Variants in SLC7A2 observed in about 807,000 individuals in gnomAD.
SLC7A2 encodes cationic amino acid transporter 2.
In SLC7A2, 48 loss-of-function variants were observed where a neutral mutation model predicts 58.9. That is an observed-to-expected ratio of 0.82 (90% CI 0.65 to 1.04). SLC7A2 has a LOEUF of 1.04. SLC7A2 is among the 50% of genes least tolerant of loss of function. SLC7A2 has a pLI of 0.00. For missense variants in SLC7A2, 1,029 were observed against 818.8 expected (o/e 1.26, Z -3.13); for synonymous variants, 363 against 314.5 (o/e 1.15, Z -1.63).
At chr8:17,521,676 C>T (rs1250842075) in intron 2 of SLC7A2, among the ~76,000 whole-genome samples, 1 of 152,212 alleles carries the variant, frequency 6.6e-6, no homozygotes, top group Admixed American at 6.5e-5. Context: ...TGGCAGCAAG[C>T]CTCTCATTAG....
chr8:17,525,428 T>G (rs1216593326), intron 2 of SLC7A2, among the ~76,000 whole-genome samples: 1 of 152,180 alleles, frequency 6.6e-6, no homozygotes, highest in African/African-American at 2.4e-5. Flanking sequence ...ACAGTGGCAA[T>G]TATTAGTATT....
At chr8:17,562,517 T>A (rs1284844521) in intron 11 of SLC7A2, among the ~76,000 whole-genome samples, 1 of 152,110 alleles carries the variant, frequency 6.6e-6, no homozygotes, top group Non-Finnish European at 1.5e-5. Flanking sequence ...TTTTTGTATT[T>A]TTCTGGTGAT....
chr8:17,525,375 G>T (rs527685273), intron 2 of SLC7A2, among the ~76,000 whole-genome samples: 1 of 152,134 alleles, frequency 6.6e-6, no homozygotes, highest in South Asian at 2.1e-4. Context: ...TATGCAATAA[G>T]AAACAAGCTC....
chr8:17,498,826 CAG>C (rs1252351128), intron 1 of SLC7A2: 1 of 152,186 alleles, frequency 6.6e-6, no homozygotes, highest in Non-Finnish European at 1.5e-5. Context: ...CTGATCATTC[CAG>C]AGTCTCTCCT....
chr8:17,513,229 C>A (rs182359432), intron 2 of SLC7A2, among the ~76,000 whole-genome samples: 119 of 152,216 alleles, frequency 7.8e-4, no homozygotes, highest in African/African-American at 2.7e-3. Flanking sequence ...TGAGGAGCTG[C>A]CATATTGTTC....
chr8:17,496,369 T>A (rs1014836749), upstream of SLC7A2, among the ~76,000 whole-genome samples: 2 of 152,168 alleles, frequency 1.3e-5, no homozygotes, highest in Non-Finnish European at 2.9e-5. Context: ...GACACACACT[T>A]ATTGTTCAAT....
intron 6 of SLC7A2, 31 bp downstream of exon 6, chr8:17,550,465 G>T (rs1329412198): frequency 1.2e-6 from 2 of 1,603,990 alleles, no homozygotes; most frequent in Admixed American, 3.4e-5. Flanking sequence ...CAGTGTAGAA[G>T]GAGTGTTCCT....
chr8:17,516,521 G>A (rs1350319789), intron 2 of SLC7A2, among the ~76,000 whole-genome samples: 2 of 152,198 alleles, frequency 1.3e-5, no homozygotes, highest in African/African-American at 4.8e-5. Context: ...ACCGCACCTG[G>A]CCTATGTGTT....
intron 5 of SLC7A2, among the ~76,000 whole-genome samples, chr8:17,550,007 A>G (rs577686322): frequency 2.1e-4 from 32 of 152,278 alleles, no homozygotes; most frequent in Admixed American, 3.9e-4. Context: ...CGTATGTGGA[A>G]TCTCTGCTCT....
intron 2 of SLC7A2, among the ~76,000 whole-genome samples, chr8:17,524,421 TACAC>T (rs367710230): frequency 0.022 from 2,974 of 134,984 alleles, 60 homozygotes; most frequent in South Asian, 0.078. Flanking sequence ...TGTGTGTGTG[TACAC>T]ACACACACAC....
In SLC7A2 at chr8:17,543,446, C is replaced by T. The variant is rs770292818; in HGVS notation, c.107C>T (p.Thr36Ile). 1.2e-6 allele frequency: 2 copies of T among 1,614,062 alleles called. No individual in the cohort carries two copies. The highest frequency in any genetic ancestry group is 1.7e-5 in the Admixed American group (1 of 59,998). Residue 36 changes from threonine to isoleucine, a missense_variant, in exon 3 of 13, where the codon ACC becomes ATC. Physicochemically the swap from Thr to Ile is moderately conservative, Grantham distance 89. Transcript: ENST00000494857. ...EDTKLCRCLSTMDLIALGVGS... is the reference protein window; with the variant it reads ...EDTKLCRCLSIMDLIALGVGS... Reference sequence around the variant, plus strand: ...ACCAAATTATGCCGCTGCTTATCCACCATGGACCTCATTGCCCTGGGCGTT... The same window carrying T: ...ACCAAATTATGCCGCTGCTTATCCATCATGGACCTCATTGCCCTGGGCGTT...
intron 2 of SLC7A2, 35 bp downstream of exon 2, chr8:17,502,337 G>C (rs140166970): frequency 6.6e-6 from 1 of 152,104 alleles, no homozygotes; most frequent in African/African-American, 2.4e-5. Flanking sequence ...TTGCACGTTG[G>C]AATGGAAAAA....
Position 17,565,241 on chromosome 8 carries a change from G to A in SLC7A2, c.*95G>A. The A allele has an allele frequency of 1.0e-6, 1 of 959,452 alleles. No individual in the cohort carries two copies. The highest frequency in any genetic ancestry group is 1.5e-6 in the Non-Finnish European group (1 of 645,838). The allele number at this position is 959,452 out of a possible 1,614,324, so 59.4% of individuals were successfully genotyped here. On this transcript the variant is annotated 3_prime_UTR_variant, in exon 13 of 13. Coordinates refer to ENST00000494857, the MANE Select transcript of SLC7A2 (RefSeq NM_001370338.1). ...GTCATCAGCATGCTGGGTTGTCATG[G>A]GTTTGCTGCATACATAGTTCACCCT...
upstream of SLC7A2, among the ~76,000 whole-genome samples, chr8:17,496,244 C>T (rs139389596): frequency 4.5e-4 from 69 of 152,216 alleles, 1 homozygote; most frequent in African/African-American, 1.6e-3. Context: ...ATAGCTTGAG[C>T]CCAGGAGGTC....
At chr8:17,520,089 G>C (rs561870751) in intron 2 of SLC7A2, among the ~76,000 whole-genome samples, 1 of 152,206 alleles carries the variant, frequency 6.6e-6, no homozygotes, top group Admixed American at 6.5e-5. Flanking sequence ...GTTTGGTACT[G>C]ATTGTAGAAT....
intron 1 of SLC7A2, among the ~76,000 whole-genome samples, chr8:17,497,476 G>C (rs1361485541): frequency 3.9e-5 from 6 of 152,186 alleles, no homozygotes; most frequent in Non-Finnish European, 8.8e-5. Context: ...CTTCGTCCTC[G>C]GGGCTGCGCC....
chr8:17,532,563 GAC>G (rs1801503618), intron 2 of SLC7A2, among the ~76,000 whole-genome samples: 1 of 152,092 alleles, frequency 6.6e-6, no homozygotes, highest in African/African-American at 2.4e-5. Context: ...TAGAGAAACT[GAC>G]AGTTTGTTGA....
At chr8:17,546,571 G>T (rs1802184129) in intron 4 of SLC7A2, among the ~76,000 whole-genome samples, 1 of 152,174 alleles carries the variant, frequency 6.6e-6, no homozygotes, top group Non-Finnish European at 1.5e-5. Flanking sequence ...GAAATATAAA[G>T]GTGGCTTTGT....
At chr8:17,507,533 A>G (rs1800420593) in intron 2 of SLC7A2, among the ~76,000 whole-genome samples, 1 of 152,132 alleles carries the variant, frequency 6.6e-6, no homozygotes, top group Non-Finnish European at 1.5e-5. Context: ...TTTTTGAAGA[A>G]AGGATTTTGA....
Sources: gnomAD v4.1 joint callset for allele counts (sites outside exome capture counted in the v4.1 genomes callset) on GRCh38, gnomAD v4.1.1 for gene constraint, MANE v1.5 for transcripts, NCBI Gene and HGNC (gene_info 2026-07-23, HGNC 2026-07-21) for gene names.